The following FBXL22 variants were observed in gnomAD, a reference collection of about 807,000 sequenced individuals.
FBXL22 encodes the protein F-box and leucine-rich protein 22.
A neutral mutation model predicts 11.7 loss-of-function variants in FBXL22; 13 were observed. The observed-to-expected ratio is 1.11, with a 90% confidence interval of 0.73 to 1.77. The LOEUF (loss-of-function observed/expected upper bound fraction) is 1.77. Among genes scored for constraint, FBXL22 ranks in the 40% most tolerant of loss-of-function variants. The pLI is 0.00. For missense variants in FBXL22, 406 were observed against 320.4 expected, an observed-to-expected ratio of 1.27 and a Z score of -2.04; for synonymous variants, 160 against 144.1, an observed-to-expected ratio of 1.11 and a Z score of -0.79.
At chr15:63,600,640 G>A (rs1279533258) in intron 1 of FBXL22, 57 bp from the exon 2 acceptor site, 1 of 1,231,110 alleles carries the variant, frequency 8.1e-7, no homozygotes, top group African/African-American at 1.5e-5. Context: ...GTCCCATGGG[G>A]CGGTTGGGTA....
downstream of FBXL22, among the ~76,000 whole-genome samples, chr15:63,606,630 G>A (rs2067414161): frequency 6.6e-6 from 1 of 152,176 alleles, no homozygotes; most frequent in Non-Finnish European, 1.5e-5. Context: ...AAGGTGGAAG[G>A]ACTGCTTGAG....
Position 63,600,842 on chromosome 15 carries a change from G to T in FBXL22, c.499G>T (p.Val167Leu). ...CGTCACCAACCGCACGTTGGCTGCC[G>T]TGGCGGCGGACGGGCGCGCGCTGCA... ...ARVTNRTLAA[V>L]AADGRALQTL... The change falls in exon 2 of 2, where the codon GTG becomes TTG. Residue 167 changes from valine to leucine, a missense_variant. Coordinates refer to ENST00000638704, the MANE Select transcript of FBXL22 (RefSeq NM_001367807.1). 1.6e-6 allele frequency: 2 copies of T among 1,230,360 alleles called. No individual in the cohort carries two copies. Among genetic ancestry groups the T allele is most frequent in the Non-Finnish European group, 2.0e-6 (2 of 987,046 alleles). 76.2% of individuals were successfully genotyped at this position (1,230,360 alleles called of 1,614,324 possible). A position where few individuals can be genotyped will look rare whatever the true frequency, so the allele number is the denominator to read the frequency against.
intron 1 of FBXL22, chr15:63,599,859 C>A (rs2067337238): frequency 4.1e-6 from 4 of 985,582 alleles, no homozygotes; most frequent in Non-Finnish European, 4.8e-6. Context: ...TGTGGAAGGC[C>A]CCGTTGCAGG....
downstream of FBXL22, among the ~76,000 whole-genome samples, chr15:63,607,212 A>T (rs1248392396): frequency 6.6e-6 from 1 of 151,880 alleles, no homozygotes; most frequent in East Asian, 1.9e-4. Context: ...TGCCCAGCTA[A>T]TTTTTTTTAT....
intron 1 of FBXL22, chr15:63,599,421 G>A (rs921283197): frequency 3.7e-6 from 5 of 1,364,012 alleles, no homozygotes; most frequent in African/African-American, 1.5e-5. Flanking sequence ...CTTGACAAAT[G>A]AGGAAGTGAC....
downstream of FBXL22, among the ~76,000 whole-genome samples, chr15:63,604,859 G>A (rs1038654757): frequency 7.2e-5 from 11 of 152,042 alleles, no homozygotes; most frequent in African/African-American, 1.2e-4. Flanking sequence ...GTTCAAGACC[G>A]GCCTGATCAA....
Position 63,600,772 on chromosome 15 carries a change from C to A in FBXL22, c.429C>A (p.Arg143=). The A allele has an allele frequency of 8.1e-7, 1 of 1,231,378 alleles. No individual in the cohort carries two copies. Among genetic ancestry groups the A allele is most frequent in the East Asian group, 3.2e-5 (1 of 31,690 alleles). The allele number at this position is 1,231,378 out of a possible 1,614,324, so 76.3% of individuals were successfully genotyped here. The change falls in exon 2 of 2, where the codon CGC becomes CGA. Residue 143 remains arginine, a synonymous_variant. Coordinates refer to ENST00000638704, the MANE Select transcript of FBXL22 (RefSeq NM_001367807.1). ...ACGACTGCCTGGCGCGCCTGCTGCG[C>A]TGCTGCCCACGCCTGCGCGCACTGC... is the stretch of plus-strand genomic sequence containing the variant. The part of the protein sequence containing the change: ...VTDDCLARLL[R]CCPRLRALRL...
chr15:63,599,160 A>G (rs2067323254), intron 1 of FBXL22: 1 of 1,504,426 alleles, frequency 6.6e-7, no homozygotes, highest in East Asian at 2.5e-5. Context: ...ACAGGGTAAG[A>G]GGATTAAATG....
At position 63,597,676 on chromosome 15, in the gene FBXL22, C is replaced by A. The variant is rs750419753; in HGVS notation, c.284C>A (p.Ala95Asp). The A allele has an allele frequency of 6.2e-7, 1 of 1,603,794 alleles. No homozygotes were observed. ...AGCATTGAGGACTGGCTCAAGAGTG[C>A]CTTCCAGAGAAGCATCTGCAGCCGG... ...VCSIEDWLKS[A>D]FQRSICSRHE... is the part of the protein sequence containing the mutation. The change falls in exon 1 of 2, where the codon GCC becomes GAC. Residue 95 changes from alanine (A) to aspartate (D), a missense_variant. Ala to Asp is a moderately radical substitution (Grantham distance 126). Transcript: ENST00000638704. The surrounding 1 kb of genome is among the most constrained non-coding windows in gnomAD (Gnocchi z 4.3).
chr15:63,607,409 A>C (rs991851848), downstream of FBXL22, among the ~76,000 whole-genome samples: 1 of 152,228 alleles, frequency 6.6e-6, no homozygotes, highest in African/African-American at 2.4e-5. Context: ...CTTCAAGCCC[A>C]AAGCCCTTCA....
chr15:63,601,109 TC>T lies in FBXL22; in HGVS notation c.*72del. ...CCGTCCTGGCTTCGAACCCAGCTCTTCCACCTTCAGACCACCACCGCATATT... is the reference window on the plus strand; with the variant it reads ...CCGTCCTGGCTTCGAACCCAGCTCTTCACCTTCAGACCACCACCGCATATT... On this transcript the variant is annotated 3_prime_UTR_variant, in exon 2 of 2. Transcript: ENST00000638704. 1 of 1,304,292 alleles carries T rather than the reference TC, an allele frequency of 7.7e-7. No individual in the cohort carries two copies. The highest frequency in any genetic ancestry group is 3.8e-5 in the Admixed American group (1 of 26,124). The allele number at this position is 1,304,292 out of a possible 1,614,324, so 80.8% of individuals were successfully genotyped here. A position where few individuals can be genotyped will look rare whatever the true frequency, so the allele number is the denominator to read the frequency against.
At chr15:63,601,998 G>A (rs910733178), downstream of FBXL22, 1 of 326,146 alleles carries the variant, frequency 3.1e-6, no homozygotes. Context: ...TCGGCCCCCC[G>A]GCAGCCGCCT....
chr15:63,599,472 A>G, intron 1 of FBXL22: 1 of 1,232,102 alleles, frequency 8.1e-7, no homozygotes, highest in Non-Finnish European at 1.0e-6. Context: ...TCTGACAGCA[A>G]ATAAGTCACC....
downstream of FBXL22, chr15:63,601,837 A>G: frequency 8.8e-7 from 1 of 1,133,330 alleles, no homozygotes; most frequent in East Asian, 2.9e-5. Context: ...CAAAACCAGC[A>G]GCCCTGGCTA....
chr15:63,601,417 T>A (rs1453176397), downstream of FBXL22: 2 of 1,591,670 alleles, frequency 1.3e-6, no homozygotes, highest in Non-Finnish European at 1.7e-6. Flanking sequence ...GTTCGCCGAC[T>A]TGCGCTCGGG....
chr15:63,606,646 G>A (rs973261826), downstream of FBXL22, among the ~76,000 whole-genome samples: 1 of 152,182 alleles, frequency 6.6e-6, no homozygotes, highest in Non-Finnish European at 1.5e-5. Flanking sequence ...TTGAGGCCAG[G>A]AGTTCCAGAC....
intron 1 of FBXL22, among the ~76,000 whole-genome samples, chr15:63,598,755 A>T: frequency 6.6e-6 from 1 of 152,166 alleles, no homozygotes; most frequent in East Asian, 1.9e-4. Context: ...CTTTCTTTTG[A>T]GCTGGTAGGA....
At chr15:63,601,439 C>A, downstream of FBXL22, 2 of 1,578,432 alleles carry the variant, frequency 1.3e-6, no homozygotes, top group Non-Finnish European at 1.7e-6. Context: ...GTGACGGGGG[C>A]CAGGGCTGCC....
downstream of FBXL22, chr15:63,602,469 C>T (rs917363612): frequency 2.0e-5 from 3 of 151,734 alleles, no homozygotes; most frequent in African/African-American, 7.3e-5. Flanking sequence ...CACCTGTAGT[C>T]CCAGCTACTC....
Sources: gnomAD v4.1 joint callset for allele counts (sites outside exome capture counted in the v4.1 genomes callset) on GRCh38, gnomAD v4.1.1 for gene constraint, Gnocchi (gnomAD v3.1) non-coding constraint, MANE v1.5 for transcripts, NCBI Gene and HGNC (gene_info 2026-07-23, HGNC 2026-07-21) for gene names.